The following SNX4 variants were observed in gnomAD, a reference collection of about 807,000 sequenced individuals.
The protein encoded by SNX4 is sorting nexin 4, also known as sorting nexin-4.
In SNX4, 49 loss-of-function variants were observed where a neutral mutation model predicts 70.8. That is an observed-to-expected ratio of 0.69 (90% CI 0.55 to 0.88). The LOEUF (loss-of-function observed/expected upper bound fraction) is 0.88. Among genes scored for constraint, SNX4 ranks in the 40% least tolerant of loss-of-function variants. The pLI is 0.00. For synonymous variants in SNX4, 206 were observed against 183.8 expected (o/e 1.12, Z -0.98); for missense variants, 528 against 544.8 (o/e 0.97, Z 0.31).
chr3:125,482,263 G>A (rs1934429028), intron 6 of SNX4, among the ~76,000 whole-genome samples: 1 of 152,160 alleles, frequency 6.6e-6, no homozygotes, highest in Non-Finnish European at 1.5e-5. Flanking sequence ...TGATTTAGTA[G>A]ACATTTGTAC....
intron 6 of SNX4, among the ~76,000 whole-genome samples, chr3:125,489,008 G>A (rs368034150): frequency 2.6e-5 from 4 of 152,064 alleles, no homozygotes; most frequent in Non-Finnish European, 4.4e-5. Context: ...ATATACCTTC[G>A]TGAAATTTTC....
At chr3:125,463,511 C>A (rs1173760562) in intron 9 of SNX4, among the ~76,000 whole-genome samples, 1 of 152,118 alleles carries the variant, frequency 6.6e-6, no homozygotes, top group Non-Finnish European at 1.5e-5. Context: ...ATCCTAAATT[C>A]TTGGAAACAT....
At chr3:125,500,978 AGGT>A (rs1934919770) in intron 2 of SNX4, among the ~76,000 whole-genome samples, 1 of 151,876 alleles carries the variant, frequency 6.6e-6, no homozygotes, top group Non-Finnish European at 1.5e-5. Context: ...TGTATCCAGA[AGGT>A]AGGTAGGTAG....
intron 7 of SNX4, among the ~76,000 whole-genome samples, chr3:125,479,805 C>T (rs1004741787): frequency 6.6e-5 from 10 of 152,212 alleles, no homozygotes; most frequent in East Asian, 1.9e-4. Context: ...ATTATTATTC[C>T]TTGATTTCTA....
chr3:125,458,724 G>C (rs2107528504), intron 10 of SNX4, among the ~76,000 whole-genome samples: 1 of 147,062 alleles, frequency 6.8e-6, no homozygotes, highest in African/African-American at 2.5e-5. Context: ...TGAAGCAGGA[G>C]AATGGCGTGA....
At chr3:125,507,904 C>G (rs747265125) in intron 1 of SNX4, among the ~76,000 whole-genome samples, 1 of 151,870 alleles carries the variant, frequency 6.6e-6, no homozygotes, top group Non-Finnish European at 1.5e-5. Flanking sequence ...CAGTCACACT[C>G]TGTCTCAAAA....
intron 5 of SNX4, among the ~76,000 whole-genome samples, chr3:125,496,099 G>A (rs1934787633): frequency 6.6e-6 from 1 of 152,078 alleles, no homozygotes; most frequent in African/African-American, 2.4e-5. Context: ...AAACTAGCCT[G>A]GGCAACATAG....
chr3:125,476,227 C>A (rs2107542208), intron 8 of SNX4, among the ~76,000 whole-genome samples: 1 of 135,454 alleles, frequency 7.4e-6, no homozygotes, highest in East Asian at 2.2e-4. Flanking sequence ...GATTGCGCCA[C>A]TGCATTCCAG....
At chr3:125,488,415 C>T (rs1934580358) in intron 6 of SNX4, among the ~76,000 whole-genome samples, 1 of 151,954 alleles carries the variant, frequency 6.6e-6, no homozygotes, top group African/African-American at 2.4e-5. Flanking sequence ...GCAGAGGTTG[C>T]AGTGAGCAGG....
chr3:125,472,485 T>C (rs963263426), intron 8 of SNX4, among the ~76,000 whole-genome samples: 1 of 152,188 alleles, frequency 6.6e-6, no homozygotes, highest in Non-Finnish European at 1.5e-5. Context: ...ACACTCTTTC[T>C]GAAGAATAAA....
At chr3:125,462,906 T>C (rs1256758697) in intron 9 of SNX4, among the ~76,000 whole-genome samples, 1 of 152,154 alleles carries the variant, frequency 6.6e-6, no homozygotes, top group Non-Finnish European at 1.5e-5. Context: ...CACTGCTCCT[T>C]GAGGAGCAGG....
At chr3:125,482,752 G>A (rs1268988962) in intron 6 of SNX4, among the ~76,000 whole-genome samples, 2 of 152,050 alleles carry the variant, frequency 1.3e-5, no homozygotes, top group Admixed American at 1.3e-4. Context: ...GAAATAAAGA[G>A]GCAGTGGTGA....
chr3:125,504,254 A>C (rs1580006623), intron 2 of SNX4, among the ~76,000 whole-genome samples: 1 of 151,586 alleles, frequency 6.6e-6, no homozygotes, highest in East Asian at 2.0e-4. Flanking sequence ...AATCGCTTGA[A>C]TCCGGGAGAC....
intron 2 of SNX4, 67 bp downstream of exon 2, chr3:125,504,556 G>A: frequency 7.0e-7 from 1 of 1,434,614 alleles, no homozygotes; most frequent in Non-Finnish European, 9.6e-7. Context: ...ATACAGCAGA[G>A]TCTGCATCAA....
intron 11 of SNX4, 143 bp from the exon 12 acceptor site, chr3:125,454,098 G>T: frequency 1.5e-6 from 1 of 660,722 alleles, no homozygotes; most frequent in Non-Finnish European, 2.5e-6. Context: ...ATTATGCTAA[G>T]TGAAATAAGA....
rs771505800 is a variant in SNX4 at position 125,520,131 on chromosome 3, C to A, written c.42G>T (p.Pro14=). Residue 14 remains proline (P), a synonymous_variant, in exon 1 of 14, where the codon CCG becomes CCT. Coordinates refer to ENST00000251775, the MANE Select transcript of SNX4 (RefSeq NM_003794.4). The stretch of plus-strand genomic sequence containing the variant: ...GGGAGCCCAGCGGCTCCAAGGGCGC[C>A]GGCTGGAGCTGCCGCTCGGGGTCCG... The part of the protein sequence containing the change: ...APPDPERQLQ[P]APLEPLGSPD... The A allele has an allele frequency of 1.4e-6, 2 of 1,418,428 alleles. No individual in the cohort carries two copies. The highest frequency in any genetic ancestry group is 3.1e-5 in the Admixed American group (1 of 32,436). The allele number at this position is 1,418,428 out of a possible 1,614,324, so 87.9% of individuals were successfully genotyped here. A position where few individuals can be genotyped will look rare whatever the true frequency, so the allele number is the denominator to read the frequency against.
chr3:125,509,597 C>A (rs1250840268), intron 1 of SNX4, among the ~76,000 whole-genome samples: 1 of 151,438 alleles, frequency 6.6e-6, no homozygotes, highest in African/African-American at 2.4e-5. Context: ...ACTAAAAATA[C>A]AAAAAATTAG....
At chr3:125,500,105 G>T (rs1680273094) in intron 2 of SNX4, among the ~76,000 whole-genome samples, 1 of 151,550 alleles carries the variant, frequency 6.6e-6, no homozygotes, top group Admixed American at 6.6e-5. Context: ...AAAAAGGCAG[G>T]GTCTAGTAGT....
intron 2 of SNX4, among the ~76,000 whole-genome samples, chr3:125,501,923 T>C (rs1934938456): frequency 6.6e-6 from 1 of 152,204 alleles, no homozygotes; most frequent in Non-Finnish European, 1.5e-5. Context: ...AGGTTCAAAT[T>C]AGAACTGGGC....
Sources: gnomAD v4.1 joint callset for allele counts (sites outside exome capture counted in the v4.1 genomes callset) on GRCh38, gnomAD v4.1.1 for gene constraint, MANE v1.5 for transcripts, NCBI Gene and HGNC (gene_info 2026-07-23, HGNC 2026-07-21) for gene names.